CABIN1: variants seen among roughly 807,000 people sequenced by gnomAD.
CABIN1 encodes the protein calcineurin-binding protein cabin-1.
Under a neutral mutation model 227.7 loss-of-function variants are expected in CABIN1, and 133 were observed. That is an observed-to-expected ratio of 0.58 (90% CI 0.51 to 0.67). The LOEUF is 0.67. CABIN1 is among the 30% of genes least tolerant of loss of function. The pLI is 0.00. For synonymous variants in CABIN1, 1,086 were observed against 1,155.1 expected (o/e 0.94, Z 1.21); for missense variants, 2,408 against 2,852.5 (o/e 0.84, Z 3.55).
At chr22:24,170,653 A>C (rs559733825) in intron 33 of CABIN1, among the ~76,000 whole-genome samples, 1 of 152,080 alleles carries the variant, frequency 6.6e-6, no homozygotes, top group Admixed American at 6.5e-5. Context: ...TATGTGGCAG[A>C]GTCCACAGGG....
chr22:24,158,525 C>A (rs116428536), intron 29 of CABIN1, among the ~76,000 whole-genome samples: 1,988 of 152,240 alleles, frequency 0.013, 42 homozygotes, highest in African/African-American at 0.044. Flanking sequence ...ACTGTATTTG[C>A]TGAGTTAAAA....
At position 24,111,953 on chromosome 22, in the gene CABIN1, T is replaced by TA. The variant is rs569981094; in HGVS notation, c.4118-1612dup. On this transcript the variant is annotated intron_variant, in intron 26 of 36. Transcript: ENST00000263119. Reference sequence around the variant, plus strand: ...TTTGCATTTGACTCTTGCTTTTTTTTATCTCACTGCTGAAATTTCCTGTCT... The same window carrying TA: ...TTTGCATTTGACTCTTGCTTTTTTTTAATCTCACTGCTGAAATTTCCTGTCT... 1.6e-4 allele frequency among the ~76,000 whole-genome samples: 25 copies of TA among 152,360 alleles called. No individual in the cohort carries two copies. The South Asian group carries it at 5.0e-3, about 30-fold the overall frequency.
intron 26 of CABIN1, among the ~76,000 whole-genome samples, chr22:24,099,132 G>C (rs944439988): frequency 6.6e-6 from 1 of 152,188 alleles, no homozygotes; most frequent in Non-Finnish European, 1.5e-5. Context: ...TCCCAGTACA[G>C]GTCTGGGGGG....
rs1173024340 is a variant in CABIN1 at position 24,065,026 on chromosome 22, G to C, written c.2037+839G>C. 4.6e-5 allele frequency among the ~76,000 whole-genome samples: 7 copies of C among 152,352 alleles called. No homozygotes were observed. The South Asian group carries it at 1.4e-3, about 32-fold the overall frequency. On this transcript the variant is annotated intron_variant, in intron 15 of 36. Transcript: ENST00000263119. ...CATCATGGCCCGTTCTCAATGAGCTGTTGGGTACACCTCCCAGAGGGGGTG... is the reference window on the plus strand; with the variant it reads ...CATCATGGCCCGTTCTCAATGAGCTCTTGGGTACACCTCCCAGAGGGGGTG...
chr22:24,126,360 G>A (rs1035429787), intron 28 of CABIN1, among the ~76,000 whole-genome samples: 2 of 152,212 alleles, frequency 1.3e-5, no homozygotes, highest in Admixed American at 6.5e-5. Flanking sequence ...TCTAAGCAAG[G>A]ACCTGAATCA....
intron 24 of CABIN1, among the ~76,000 whole-genome samples, chr22:24,094,056 G>T (rs1474939501): frequency 6.6e-6 from 1 of 152,090 alleles, no homozygotes; most frequent in Non-Finnish European, 1.5e-5. Flanking sequence ...CCACCTGGGG[G>T]CAGGTGCCTT....
chr22:24,011,483 T>A (rs2034806046), intron 1 of CABIN1, 116 bp downstream of exon 1: 1 of 152,266 alleles, frequency 6.6e-6, no homozygotes, highest in African/African-American at 2.4e-5. Flanking sequence ...GTGAGGAAGC[T>A]GGGGGTTTCG....
intron 29 of CABIN1, among the ~76,000 whole-genome samples, chr22:24,148,380 G>C (rs2045280652): frequency 6.6e-6 from 1 of 152,220 alleles, no homozygotes; most frequent in African/African-American, 2.4e-5. Context: ...AGAGTTAAAG[G>C]GCACAAGCAG....
chr22:24,153,576 G>T (rs2045614930), intron 29 of CABIN1, among the ~76,000 whole-genome samples: 1 of 152,152 alleles, frequency 6.6e-6, no homozygotes, highest in African/African-American at 2.4e-5. Context: ...TTCCTGGGGG[G>T]TTGGGGGGTG....
chr22:24,140,213 A>C (rs895822882), intron 29 of CABIN1, among the ~76,000 whole-genome samples: 2 of 152,164 alleles, frequency 1.3e-5, no homozygotes, highest in African/African-American at 4.8e-5. Flanking sequence ...TTGGGTTCCT[A>C]TGTCAGCTTT....
rs181424168 is a variant in CABIN1 at position 24,041,582 on chromosome 22, A to G, written c.345+309A>G. Among the ~76,000 whole-genome samples the G allele has an allele frequency of 2.9e-3, 445 of 152,328 alleles. 1 individual carries two copies. Among genetic ancestry groups the G allele is most frequent in the Non-Finnish European group, 4.7e-3 (321 of 68,020 alleles). ...TTGGTATCTCTAGGTCTACACCAATATAGTGGTAATAATAAAGAAGAGCAT... is the reference window on the plus strand; with the variant it reads ...TTGGTATCTCTAGGTCTACACCAATGTAGTGGTAATAATAAAGAAGAGCAT... On this transcript the variant is annotated intron_variant, in intron 5 of 36. Coordinates refer to ENST00000263119, the MANE Select transcript of CABIN1 (RefSeq NM_012295.4).
In CABIN1 at chr22:24,091,748, A is replaced by G; in HGVS notation, c.3691A>G (p.Arg1231Gly). 6.2e-7 allele frequency: 1 copy of G among 1,614,122 alleles called. No homozygotes were observed. The highest frequency in any genetic ancestry group is 8.5e-7 in the Non-Finnish European group (1 of 1,180,018). The change falls in exon 24 of 37, where the codon AGG (arginine) becomes GGG (glycine). Residue 1231 changes from arginine (R) to glycine (G), a missense_variant. This residue lies in a region of CABIN1 where 649 missense variants were observed against 910.3 expected (regional missense o/e 0.71). Transcript: ENST00000263119. ...QPPTVYLLHY[R>G]QAGHYLHEEA... ...ACCCACCGTTTACTTGCTGCACTAC[A>G]GGCAGGCTGGCCACTACCTGCACGA...
chr22:24,042,874 G>GTGTGTGTGTGTGTGTT, intron 5 of CABIN1, 30 bp from the exon 6 acceptor site: 1 of 1,387,246 alleles, frequency 7.2e-7, no homozygotes, highest in Non-Finnish European at 1.0e-6. Context: ...GTGTGTGTGT[G>GTGTGTGTGTGTGTGTT]TGTTTGCCCT....
At chr22:24,063,488 G>A (rs950237154) in intron 14 of CABIN1, among the ~76,000 whole-genome samples, 2 of 152,184 alleles carry the variant, frequency 1.3e-5, no homozygotes, top group Non-Finnish European at 2.9e-5. Context: ...GAGAGCCCGA[G>A]CAAGTGAATA....
At chr22:24,159,276 G>A (rs1193991336) in intron 29 of CABIN1, among the ~76,000 whole-genome samples, 1 of 152,238 alleles carries the variant, frequency 6.6e-6, no homozygotes, top group African/African-American at 2.4e-5. Context: ...TCCCGTTCAA[G>A]ACTCAGGCCC....
intron 29 of CABIN1, among the ~76,000 whole-genome samples, chr22:24,134,895 T>C (rs2044297423): frequency 6.6e-6 from 1 of 150,396 alleles, no homozygotes; most frequent in Non-Finnish European, 1.5e-5. Context: ...CTGGCCAACA[T>C]GGCAAAACCC....
intron 19 of CABIN1, among the ~76,000 whole-genome samples, chr22:24,081,571 A>G (rs537071927): frequency 6.6e-6 from 1 of 152,284 alleles, no homozygotes; most frequent in South Asian, 2.1e-4. Context: ...ATTACTGACT[A>G]TTGGTTTATT....
At chr22:24,067,314 C>T in intron 16 of CABIN1, 133 bp downstream of exon 16, 7 of 923,786 alleles carry the variant, frequency 7.6e-6, no homozygotes, top group Non-Finnish European at 1.2e-5. Context: ...AACCACTAAG[C>T]CCCCAGGAAG....
intron 1 of CABIN1, 48 bp from the exon 2 acceptor site, chr22:24,035,395 TC>T (rs1260652825): frequency 7.5e-7 from 1 of 1,334,372 alleles, no homozygotes; most frequent in Non-Finnish European, 1.1e-6. Context: ...ACTGTGACCT[TC>T]CTGGCTCTTC....
Sources: gnomAD v4.1 joint callset for allele counts (sites outside exome capture counted in the v4.1 genomes callset) on GRCh38, gnomAD v4.1.1 for gene constraint, gnomAD v4.1.1 regional missense constraint, MANE v1.5 for transcripts, NCBI Gene and HGNC (gene_info 2026-07-23, HGNC 2026-07-21) for gene names.